LRRC4C: variants seen among roughly 807,000 people sequenced by gnomAD.
The protein encoded by LRRC4C is leucine-rich repeat-containing protein 4C.
Under a neutral mutation model 33.6 loss-of-function variants are expected in LRRC4C, and 5 were observed. The ratio of observed to expected loss-of-function variants is 0.15; its 90% CI spans 0.08 to 0.31. The LOEUF (loss-of-function observed/expected upper bound fraction) is 0.31. Ranked by LOEUF, LRRC4C falls within the 10% of genes least tolerant of loss-of-function variation. The probability of loss-of-function intolerance (pLI) is 1.00; values close to 1 mark genes in which losing one functional copy is unlikely to be tolerated. For synonymous variants in LRRC4C, 329 were observed against 302.0 expected (o/e 1.09, Z -0.93); for missense variants, 560 against 796.7 (o/e 0.70, Z 3.58).
At chr11:41,155,605 A>G (rs1377752464) in intron 1 of LRRC4C, among the ~76,000 whole-genome samples, 5 of 152,090 alleles carry the variant, frequency 3.3e-5, no homozygotes, top group Admixed American at 3.3e-4. Flanking sequence ...AACATGGGGC[A>G]TAGCCAGTTC....
intron 1 of LRRC4C, among the ~76,000 whole-genome samples, chr11:41,104,767 A>C (rs944623853): frequency 6.6e-6 from 1 of 152,024 alleles, no homozygotes; most frequent in Non-Finnish European, 1.5e-5. Flanking sequence ...CAACAGAATA[A>C]TATTTGTCAG....
intron 2 of LRRC4C, among the ~76,000 whole-genome samples, chr11:40,712,161 A>G (rs577993047): frequency 5.3e-5 from 8 of 152,192 alleles, no homozygotes; most frequent in Non-Finnish European, 1.0e-4. Context: ...AATATCATTG[A>G]CAAATGCTCT....
chr11:40,303,031 C>A (rs940271197), intron 4 of LRRC4C, among the ~76,000 whole-genome samples: 2 of 151,970 alleles, frequency 1.3e-5, no homozygotes, highest in Non-Finnish European at 2.9e-5. Flanking sequence ...TTATTTTTTT[C>A]TTTTTGGGGA....
chr11:40,221,382 G>T (rs1428599687), intron 5 of LRRC4C, among the ~76,000 whole-genome samples: 1 of 152,116 alleles, frequency 6.6e-6, no homozygotes, highest in Non-Finnish European at 1.5e-5. Context: ...CCAAAATTTG[G>T]AACTCAATGT....
intron 1 of LRRC4C, among the ~76,000 whole-genome samples, chr11:41,210,731 G>A (rs930292725): frequency 6.6e-6 from 1 of 152,108 alleles, no homozygotes; most frequent in Admixed American, 6.5e-5. Flanking sequence ...AAGCCAAAGA[G>A]CTTCAAAGTC....
chr11:40,958,036 A>T (rs1959039189), intron 1 of LRRC4C, among the ~76,000 whole-genome samples: 1 of 151,610 alleles, frequency 6.6e-6, no homozygotes, highest in Admixed American at 6.6e-5. Context: ...TATAAAAGGG[A>T]TCCCAGCTAG....
chr11:40,860,112 A>AAATG (rs1363943922), intron 2 of LRRC4C, among the ~76,000 whole-genome samples: 1 of 151,462 alleles, frequency 6.6e-6, no homozygotes, highest in Admixed American at 6.6e-5. Context: ...ATAAATAAAT[A>AAATG]AATAAATAAA....
intron 2 of LRRC4C, among the ~76,000 whole-genome samples, chr11:40,812,713 T>C (rs1485776694): frequency 6.6e-6 from 1 of 151,758 alleles, no homozygotes; most frequent in Admixed American, 6.5e-5. Flanking sequence ...GTATAGAATT[T>C]AATTTTCATT....
intron 1 of LRRC4C, among the ~76,000 whole-genome samples, chr11:41,013,955 G>C (rs1855397877): frequency 6.6e-6 from 1 of 152,054 alleles, no homozygotes; most frequent in Admixed American, 6.6e-5. Context: ...CTATTGTGAG[G>C]ACAGCACCAA....
At chr11:40,509,855 C>T (rs184293666) in intron 3 of LRRC4C, among the ~76,000 whole-genome samples, 7 of 152,166 alleles carry the variant, frequency 4.6e-5, no homozygotes, top group Admixed American at 1.3e-4. Flanking sequence ...GCTAAAAATA[C>T]GTCACATGAT....
chr11:40,723,528 GA>G (rs1286729709), intron 2 of LRRC4C, among the ~76,000 whole-genome samples: 2 of 152,070 alleles, frequency 1.3e-5, no homozygotes, highest in African/African-American at 4.8e-5. Context: ...AAGCAAAGGA[GA>G]AATAAAATCT....
chr11:40,525,884 T>C (rs1259110292), intron 3 of LRRC4C, among the ~76,000 whole-genome samples: 1 of 152,202 alleles, frequency 6.6e-6, no homozygotes, highest in Non-Finnish European at 1.5e-5. Flanking sequence ...GGTCGAAGTG[T>C]AGACTGATAG....
chr11:41,455,107 T>A (rs903987071), intron 1 of LRRC4C, among the ~76,000 whole-genome samples: 2 of 152,148 alleles, frequency 1.3e-5, no homozygotes, highest in African/African-American at 4.8e-5. Flanking sequence ...CTGTCATAAC[T>A]TCCAAGTCAG....
At chr11:41,435,924 G>T (rs933535857) in intron 1 of LRRC4C, among the ~76,000 whole-genome samples, 3 of 152,032 alleles carry the variant, frequency 2.0e-5, no homozygotes, top group Non-Finnish European at 4.4e-5. Context: ...AACATTTCCC[G>T]GCCGGGAGTG....
At chr11:40,222,801 G>C (rs577850387) in intron 5 of LRRC4C, among the ~76,000 whole-genome samples, 1 of 152,298 alleles carries the variant, frequency 6.6e-6, no homozygotes, top group South Asian at 2.1e-4. Context: ...CTTAGAGTGG[G>C]AAAGGGTCTC....
intron 3 of LRRC4C, among the ~76,000 whole-genome samples, chr11:40,501,081 A>G (rs1391874000): frequency 6.6e-6 from 1 of 152,146 alleles, no homozygotes; most frequent in Non-Finnish European, 1.5e-5. Context: ...TCAAATCTTA[A>G]AGTTCCAAAA....
chr11:40,897,193 G>A (rs568891128), intron 2 of LRRC4C, among the ~76,000 whole-genome samples: 41 of 152,274 alleles, frequency 2.7e-4, no homozygotes, highest in Admixed American at 2.4e-3. Flanking sequence ...TTTAGATGAT[G>A]AGAAAGAATA....
intron 3 of LRRC4C, among the ~76,000 whole-genome samples, chr11:40,514,460 A>T (rs1221416389): frequency 6.6e-6 from 1 of 152,116 alleles, no homozygotes; most frequent in East Asian, 1.9e-4. Context: ...GCATATAAAC[A>T]TATCATTTTC....
intron 1 of LRRC4C, among the ~76,000 whole-genome samples, chr11:41,202,484 C>T (rs554550382): frequency 2.0e-5 from 3 of 152,148 alleles, no homozygotes; most frequent in Non-Finnish European, 4.4e-5. Context: ...TATATCAGAC[C>T]TAGCACTAAA....
Sources: gnomAD v4.1 joint callset for allele counts (sites outside exome capture counted in the v4.1 genomes callset) on GRCh38, gnomAD v4.1.1 for gene constraint, MANE v1.5 for transcripts, NCBI Gene and HGNC (gene_info 2026-07-23, HGNC 2026-07-21) for gene names.